PHEX: variants seen among roughly 807,000 people sequenced by gnomAD.
PHEX encodes the protein phosphate-regulating neutral endopeptidase PHEX.
In PHEX, 16 loss-of-function variants were observed where a neutral mutation model predicts 68.0. That is an observed-to-expected ratio of 0.24 (90% CI 0.16 to 0.36). The LOEUF (loss-of-function observed/expected upper bound fraction) is 0.36. Among genes scored for constraint, PHEX ranks in the 10% least tolerant of loss-of-function variants. The pLI is 1.00. For missense variants in PHEX, 480 were observed against 575.5 expected (o/e 0.83, Z 1.70); for synonymous variants, 208 against 205.1 (o/e 1.01, Z -0.12).
At chrX:22,066,614 G>C (rs1441654720) in intron 3 of PHEX, among the ~76,000 whole-genome samples, 1 of 111,595 alleles carries the variant, frequency 9.0e-6, no homozygotes, top group African/African-American at 3.3e-5. Flanking sequence ...CCCCCCTTTT[G>C]GGGGAGAGGA....
At chrX:22,209,953 AAAT>A (rs1413310552) in intron 15 of PHEX, among the ~76,000 whole-genome samples, 222 of 102,671 alleles carry the variant, frequency 2.2e-3, no homozygotes, top group African/African-American at 8.1e-3. Context: ...AAAAAAAAAA[AAAT>A]AAATAAATAA....
chrX:22,225,706 A>AGTT (rs1438257315), intron 18 of PHEX, among the ~76,000 whole-genome samples: 1 of 112,303 alleles, frequency 8.9e-6, no homozygotes, highest in Non-Finnish European at 1.9e-5. Flanking sequence ...ATTTTTCCCC[A>AGTT]GTTGTTGAAG....
chrX:22,148,238 A>G (rs750163595), intron 12 of PHEX, among the ~76,000 whole-genome samples: 1 of 110,927 alleles, frequency 9.0e-6, no homozygotes, highest in Admixed American at 9.7e-5. Context: ...AGTGTTCCTC[A>G]TGTGGCTTTC....
chrX:22,237,527 A>ATAATC lies in PHEX; in HGVS notation c.2071-7802_2071-7798dup, dbSNP rs369273495. 6.0e-3 allele frequency among the ~76,000 whole-genome samples: 672 copies of ATAATC among 111,941 alleles called. 7 individuals carry two copies. Among genetic ancestry groups the ATAATC allele is most frequent in the African/African-American group, 0.021 (644 of 30,772 alleles). On this transcript the variant is annotated intron_variant, in intron 20 of 21. Transcript: ENST00000379374. ...TTGAGAACCTTCCTGGTATCTATAA[A>ATAATC]TAATCTAACTAGCCTCTAATTTCTT...
intron 3 of PHEX, among the ~76,000 whole-genome samples, chrX:22,069,092 C>A (rs1237628469): frequency 8.9e-6 from 1 of 112,098 alleles, no homozygotes; most frequent in East Asian, 2.8e-4. Flanking sequence ...TGAGATCATG[C>A]CACTGCACTC....
chrX:22,062,616 T>A (rs7060982), intron 3 of PHEX, among the ~76,000 whole-genome samples: 5,549 of 111,329 alleles, frequency 0.05, 335 homozygotes, highest in African/African-American at 0.17. Flanking sequence ...TACTGAAAAG[T>A]ACAATTCTAG....
intron 20 of PHEX, among the ~76,000 whole-genome samples, chrX:22,244,153 A>G (rs966562888): frequency 9.0e-6 from 1 of 111,566 alleles, no homozygotes; most frequent in Non-Finnish European, 1.9e-5. Context: ...TGAAGCTGGA[A>G]GCTATCATTC....
At chrX:22,206,133 C>G (rs967934906) in intron 15 of PHEX, among the ~76,000 whole-genome samples, 3 of 112,033 alleles carry the variant, frequency 2.7e-5, no homozygotes, top group African/African-American at 9.7e-5. Flanking sequence ...GAGAATGGAA[C>G]CAACAAATTC....
rs186692554 is a variant in PHEX at position 22,089,174 on chromosome X, G to A, written c.664-1255G>A. Among the ~76,000 whole-genome samples the A allele has an allele frequency of 7.9e-3, 875 of 110,400 alleles. 2 individuals are homozygous for A. The highest frequency in any genetic ancestry group is 0.013 in the Non-Finnish European group (677 of 52,734). ...GTAGCTAGAATTACAGGTGCGTGCC[G>A]CCACACCTGGCTCATTTTTGTATTT... On this transcript the variant is annotated intron_variant, in intron 5 of 21. Transcript: ENST00000379374.
chrX:22,249,455 A>AAAAAAAATATAT lies in PHEX; in HGVS notation c.*1503_*1504insAAAAAATATATA. On this transcript the variant is annotated 3_prime_UTR_variant, in exon 22 of 22. Coordinates refer to ENST00000379374, the MANE Select transcript of PHEX (RefSeq NM_000444.6). ...TTGTGATTCTTTTAAAAAAAAAAAA[A>AAAAAAAATATAT]ATATATATATATATATATATATATA... is the stretch of plus-strand genomic sequence containing the variant. 27 of 39,762 alleles carry AAAAAAAATATAT rather than the reference A, an allele frequency of 6.8e-4. No homozygotes were observed. Among genetic ancestry groups the AAAAAAAATATAT allele is most frequent in the Non-Finnish European group, 1.1e-3 (27 of 24,474 alleles). 3.3% of individuals were successfully genotyped at this position (39,762 alleles called of 1,213,427 possible). A position where few individuals can be genotyped will look rare whatever the true frequency, so the allele number is the denominator to read the frequency against.
At chrX:22,146,598 C>T (rs1438945167) in intron 12 of PHEX, among the ~76,000 whole-genome samples, 2 of 111,483 alleles carry the variant, frequency 1.8e-5, no homozygotes, top group African/African-American at 3.3e-5. Context: ...AGGCGGATCA[C>T]TTGAGGCCAG....
intron 17 of PHEX, among the ~76,000 whole-genome samples, chrX:22,221,047 C>T (rs191026614): frequency 2.3e-3 from 253 of 112,072 alleles, no homozygotes; most frequent in African/African-American, 7.4e-3. Context: ...CCTGTCTAAG[C>T]AGGACAGATG....
chrX:22,148,846 C>A (rs746245568), intron 12 of PHEX, among the ~76,000 whole-genome samples: 1 of 111,167 alleles, frequency 9.0e-6, no homozygotes, highest in South Asian at 3.8e-4. Flanking sequence ...TAGCTCAAGA[C>A]CATTGTATAC....
At chrX:22,119,986 G>A (rs910674485) in intron 11 of PHEX, among the ~76,000 whole-genome samples, 1 of 111,415 alleles carries the variant, frequency 9.0e-6, no homozygotes, top group Non-Finnish European at 1.9e-5. Flanking sequence ...GCAGGTGAAG[G>A]TTCCAACGAA....
intron 15 of PHEX, among the ~76,000 whole-genome samples, chrX:22,206,729 C>A (rs191015101): frequency 9.0e-6 from 1 of 111,123 alleles, no homozygotes; most frequent in Admixed American, 9.6e-5. Flanking sequence ...AAATTATTCC[C>A]TTTTTGCATG....
chrX:22,156,529 T>C (rs997151449), intron 12 of PHEX, among the ~76,000 whole-genome samples: 1 of 101,644 alleles, frequency 9.8e-6, no homozygotes, highest in Admixed American at 1.0e-4. Flanking sequence ...AATAAAACTT[T>C]CTTTACAAAA....
intron 11 of PHEX, among the ~76,000 whole-genome samples, chrX:22,129,211 G>A (rs1347647691): frequency 9.0e-6 from 1 of 111,160 alleles, no homozygotes; most frequent in Non-Finnish European, 1.9e-5. Context: ...CAGACAGGCT[G>A]GGATGGCATG....
chrX:22,146,629 C>T lies in PHEX; in HGVS notation c.1404+13005C>T, dbSNP rs148939561. Among the ~76,000 whole-genome samples, 374 of 110,338 alleles carry T rather than the reference C, an allele frequency of 3.4e-3. 1 individual carries two copies. Among genetic ancestry groups the T allele is most frequent in the African/African-American group, 0.012 (353 of 30,312 alleles). ...GCCAGAAGTTTGAGACCAGCCTGGC[C>T]AACGTGGCGAAATCCCATCTCTACT... On this transcript the variant is annotated intron_variant, in intron 12 of 21. Coordinates refer to ENST00000379374, the MANE Select transcript of PHEX (RefSeq NM_000444.6).
At chrX:22,158,615 T>C (rs900495412) in intron 12 of PHEX, among the ~76,000 whole-genome samples, 1 of 112,232 alleles carries the variant, frequency 8.9e-6, no homozygotes, top group African/African-American at 3.2e-5. Flanking sequence ...CTTTCTGTCT[T>C]CCTTTCTGTA....
Sources: gnomAD v4.1 joint callset for allele counts (sites outside exome capture counted in the v4.1 genomes callset) on GRCh38, gnomAD v4.1.1 for gene constraint, MANE v1.5 for transcripts, NCBI Gene and HGNC (gene_info 2026-07-23, HGNC 2026-07-21) for gene names.